The following USP54 variants were observed in gnomAD, a reference collection of about 807,000 sequenced individuals.
USP54 encodes ubiquitin specific peptidase 54.
Under a neutral mutation model 170.5 loss-of-function variants are expected in USP54, and 87 were observed. The observed-to-expected ratio is 0.51, with a 90% confidence interval of 0.43 to 0.61. The LOEUF is 0.61. Ranked by LOEUF, USP54 falls within the 20% of genes least tolerant of loss-of-function variation. USP54 has a pLI of 0.00. For missense variants in USP54, 1,786 were observed against 2,047.8 expected (o/e 0.87, Z 2.47); for synonymous variants, 655 against 742.8 (o/e 0.88, Z 1.92).
chr10:73,514,333 C>G (rs916798838), intron 20 of USP54, among the ~76,000 whole-genome samples: 1 of 151,906 alleles, frequency 6.6e-6, no homozygotes, highest in African/African-American at 2.4e-5. Context: ...GAGGCCAAGG[C>G]GAGTGGATCA....
At chr10:73,576,696 C>T (rs76487112) in intron 1 of USP54, among the ~76,000 whole-genome samples, 5,359 of 152,236 alleles carry the variant, frequency 0.035, 152 homozygotes, top group South Asian at 0.11. Context: ...AGTAAGCACA[C>T]ACAAACTAGG....
intron 4 of USP54, among the ~76,000 whole-genome samples, chr10:73,550,333 A>G (rs905618319): frequency 1.3e-5 from 2 of 152,144 alleles, no homozygotes; most frequent in African/African-American, 4.8e-5. Flanking sequence ...TTCTTCCTCT[A>G]GATATGTATG....
intron 17 of USP54, among the ~76,000 whole-genome samples, chr10:73,522,134 A>C (rs543409233): frequency 3.3e-4 from 50 of 152,266 alleles, no homozygotes; most frequent in African/African-American, 1.2e-3. Context: ...ATTCATCATG[A>C]CTTTTTGAGA....
rs1386186264 is a variant in USP54, at chr10:73,579,498, T to C, written c.-581-3137A>G. On this transcript the variant is annotated intron_variant, in intron 1 of 23. Coordinates refer to ENST00000687698, the MANE Select transcript of USP54 (RefSeq NM_001391956.1). ...GGCCAGGCGCAGTGGCTCATGCCTG[T>C]AATCCCAGCACTTTTGGAAGCTGAA... 2.0e-5 allele frequency among the ~76,000 whole-genome samples: 3 copies of C among 152,122 alleles called. No homozygotes were observed. In the East Asian group the frequency reaches 5.8e-4, roughly 29 times the overall value.
intron 19 of USP54, 191 bp downstream of exon 19, chr10:73,519,605 TA>T: frequency 1.2e-6 from 1 of 860,412 alleles, no homozygotes; most frequent in East Asian, 2.8e-5. Flanking sequence ...TTTTGCATCC[TA>T]GGAATTATTA....
chr10:73,582,605 G>A (rs2077026299), intron 1 of USP54, among the ~76,000 whole-genome samples: 1 of 152,126 alleles, frequency 6.6e-6, no homozygotes, highest in Non-Finnish European at 1.5e-5. Flanking sequence ...TGGCCAGGCT[G>A]GTCTTGAACT....
chr10:73,611,361 G>C (rs1167468318), intron 1 of USP54, among the ~76,000 whole-genome samples: 1 of 152,006 alleles, frequency 6.6e-6, no homozygotes, highest in Non-Finnish European at 1.5e-5. Flanking sequence ...AAAAACCTTA[G>C]TGAAGTACAA....
At chr10:73,587,035 C>T (rs1246358426) in intron 1 of USP54, among the ~76,000 whole-genome samples, 1 of 152,184 alleles carries the variant, frequency 6.6e-6, no homozygotes, top group African/African-American at 2.4e-5. Context: ...GCACGTTTCA[C>T]TTTGTTATAA....
intron 23 of USP54, 74 bp from the exon 24 acceptor site, chr10:73,499,262 G>A: frequency 1.4e-6 from 2 of 1,455,602 alleles, no homozygotes; most frequent in African/African-American, 1.4e-5. Context: ...GCCATGCCTA[G>A]CTGTGTAGCC....
At chr10:73,541,933 C>A in intron 7 of USP54, 195 bp from the exon 8 acceptor site, 1 of 586,458 alleles carries the variant, frequency 1.7e-6, no homozygotes, top group South Asian at 2.0e-5. Context: ...TCATAGAATC[C>A]CCACTCCTCC....
intron 1 of USP54, among the ~76,000 whole-genome samples, chr10:73,623,643 C>T (rs113897413): frequency 4.2e-4 from 64 of 152,232 alleles, no homozygotes; most frequent in African/African-American, 1.5e-3. Context: ...ACAGTGAGAC[C>T]CTGTTGCAAA....
intron 4 of USP54, among the ~76,000 whole-genome samples, chr10:73,561,092 G>A (rs190088425): frequency 2.3e-4 from 27 of 118,568 alleles, no homozygotes; most frequent in Admixed American, 7.5e-4. Context: ...GCGACACAGC[G>A]AGACTCCATC....
chr10:73,566,671 C>T (rs2073902866), intron 4 of USP54, among the ~76,000 whole-genome samples: 1 of 151,712 alleles, frequency 6.6e-6, no homozygotes, highest in African/African-American at 2.4e-5. Context: ...GCAGAGGTTG[C>T]AGTGAGCTGA....
At position 73,521,045 on chromosome 10, in the gene USP54, T is replaced by A; in HGVS notation, c.2363-18A>T. ...ACTCCTCCCTGAAAGGGCCAGCACT[T>A]TTCATTTTCATTACAATTCATTCCA... On this transcript the variant is annotated intron_variant, in intron 17 of 23. Coordinates refer to ENST00000687698, the MANE Select transcript of USP54 (RefSeq NM_001391956.1). The A allele has an allele frequency of 6.2e-7, 1 of 1,612,734 alleles. No individual in the cohort carries two copies. Among genetic ancestry groups the A allele is most frequent in the Non-Finnish European group, 8.5e-7 (1 of 1,179,982 alleles).
intron 19 of USP54, among the ~76,000 whole-genome samples, chr10:73,518,419 G>A (rs2061382880): frequency 1.3e-5 from 2 of 152,112 alleles, no homozygotes; most frequent in East Asian, 1.9e-4. Context: ...CTCACTAATT[G>A]TTTTGTATTT....
intron 22 of USP54, among the ~76,000 whole-genome samples, chr10:73,502,395 C>T (rs1379788878): frequency 1.3e-5 from 2 of 152,190 alleles, no homozygotes; most frequent in East Asian, 3.8e-4. Flanking sequence ...TCACTGCAAG[C>T]TCTGCCTCCT....
Position 73,529,677 on chromosome 10 carries a change from T to C in USP54, c.2060+3A>G. The C allele has an allele frequency of 6.2e-7, 1 of 1,614,170 alleles. No individual in the cohort carries two copies. The highest frequency in any genetic ancestry group is 2.2e-5 in the East Asian group (1 of 44,874). ...ATGTTGCTGTTCAAAGGCCAAACAA[T>C]ACCTGTAGACATTTGAGCTCTCAGG... On this transcript the variant is annotated splice_donor_region_variant and intron_variant, in intron 15 of 23. Transcript: ENST00000687698.
chr10:73,598,450 A>C (rs2078904734), intron 1 of USP54, among the ~76,000 whole-genome samples: 1 of 152,174 alleles, frequency 6.6e-6, no homozygotes, highest in Admixed American at 6.5e-5. Context: ...CAAGTAACAA[A>C]AGAAAAAAAT....
chr10:73,516,449 C>T lies in USP54; in HGVS notation c.3977G>A (p.Ser1326Asn). The change falls in exon 20 of 24, where the codon AGT becomes AAT. Residue 1326 changes from serine (S) to asparagine (N), a missense_variant. By Grantham distance (46) the Ser-to-Asn change is conservative (BLOSUM62 1). This residue lies in a region of USP54 where 1,418 missense variants were observed against 1,569.0 expected (regional missense o/e 0.90). Transcript: ENST00000687698. ...ACAGCCAGCTTGAGAAGCCTGAAGA[C>T]TGGCCTGATACAGAGACTCCAATTC... ...TSELESLYQA[S>N]LQASQAGCSG... 1.2e-6 allele frequency: 2 copies of T among 1,614,002 alleles called. No individual in the cohort carries two copies. The highest frequency in any genetic ancestry group is 2.2e-5 in the South Asian group (2 of 91,072).
Sources: gnomAD v4.1 joint callset for allele counts (sites outside exome capture counted in the v4.1 genomes callset) on GRCh38, gnomAD v4.1.1 for gene constraint, gnomAD v4.1.1 regional missense constraint, MANE v1.5 for transcripts, NCBI Gene and HGNC (gene_info 2026-07-23, HGNC 2026-07-21) for gene names.